The following GATA6 variants were observed in gnomAD, a reference collection of about 807,000 sequenced individuals.
GATA6 encodes the protein GATA binding protein 6.
A neutral mutation model predicts 48.1 loss-of-function variants in GATA6; 11 were observed. The ratio of observed to expected loss-of-function variants is 0.23; its 90% CI spans 0.14 to 0.38. The LOEUF is 0.38. Ranked by LOEUF, GATA6 falls within the 10% of genes least tolerant of loss-of-function variation. The pLI is 1.00. For missense variants in GATA6, 795 were observed against 850.3 expected (o/e 0.93, Z 0.81); for synonymous variants, 419 against 396.1 (o/e 1.06, Z -0.69).
rs1349810868 is a variant in GATA6, at chr18:22,172,747, G to A, written c.1135+468G>A. On this transcript the variant is annotated intron_variant, in intron 2 of 6. Coordinates refer to ENST00000269216, the MANE Select transcript of GATA6 (RefSeq NM_005257.6). The surrounding 1 kb of genome is among the most constrained non-coding windows in gnomAD (Gnocchi z 5.2). ...CAAACAGACACACAAGCACATGCAG[G>A]CTCACCCAGTTTAACTCTCCAAAGG... 6.6e-6 allele frequency among the ~76,000 whole-genome samples: 1 copy of A among 152,164 alleles called. No individual in the cohort carries two copies. Among genetic ancestry groups the A allele is most frequent in the Non-Finnish European group, 1.5e-5 (1 of 68,036 alleles).
In GATA6 at chr18:22,170,617, G is replaced by A. The variant is rs112106745; in HGVS notation, c.-37-491G>A. On this transcript the variant is annotated intron_variant, in intron 1 of 6. Transcript: ENST00000269216. The surrounding 1 kb of genome is among the most constrained non-coding windows in gnomAD (Gnocchi z 6.7). Reference sequence around the variant, plus strand: ...CCTTCCTTACGCGAAGGGTTTTCCCGTGGGGAACCCTCACCCCGAGGCATT... The same window carrying A: ...CCTTCCTTACGCGAAGGGTTTTCCCATGGGGAACCCTCACCCCGAGGCATT... 1.2e-4 allele frequency among the ~76,000 whole-genome samples: 19 copies of A among 152,230 alleles called. No homozygotes were observed. Among genetic ancestry groups the A allele is most frequent in the Admixed American group, 1.2e-3 (18 of 15,288 alleles).
intron 4 of GATA6, among the ~76,000 whole-genome samples, chr18:22,182,396 T>C (rs1042638696): frequency 1.3e-5 from 2 of 151,810 alleles, no homozygotes; most frequent in Admixed American, 1.3e-4. Flanking sequence ...TAACTCTTGT[T>C]GCCCAGGCTG....
chr18:22,193,658 C>T (rs995054010), intron 6 of GATA6, among the ~76,000 whole-genome samples: 6 of 152,168 alleles, frequency 3.9e-5, no homozygotes, highest in Non-Finnish European at 8.8e-5. Flanking sequence ...ATGTGATCAC[C>T]ATCAAAGTCT....
At position 22,170,099 on chromosome 18, in the gene GATA6, C is replaced by G. The variant is rs910283686; in HGVS notation, c.-38+417C>G. On this transcript the variant is annotated intron_variant, in intron 1 of 6. Coordinates refer to ENST00000269216, the MANE Select transcript of GATA6 (RefSeq NM_005257.6). This position sits in a 1 kb window ranked among gnomAD's most constrained non-coding sequence, Gnocchi z 6.7. ...AGCCCGGCTGCATTTCACCTCCCTC[C>G]CCCACTCGCTCCGAGTCTCCCTGTC... Among the ~76,000 whole-genome samples, 1 of 152,204 alleles carries G rather than the reference C, an allele frequency of 6.6e-6. No individual in the cohort carries two copies. Among genetic ancestry groups the G allele is most frequent in the South Asian group, 2.1e-4 (1 of 4,832 alleles).
In GATA6 at chr18:22,171,616, G is replaced by A. The variant is rs2033048695; in HGVS notation, c.472G>A (p.Gly158Ser). 3 of 1,598,806 alleles carry A rather than the reference G, an allele frequency of 1.9e-6. No individual in the cohort carries two copies. Among genetic ancestry groups the A allele is most frequent in the African/African-American group, 2.7e-5 (2 of 74,562 alleles). ...GACCCTCGCCGCTCTCTCCAGCCAG[G>A]GTCCGGCCGCCTACGACGGCGCGCC... The part of the protein sequence containing the change: ...YQTLAALSSQ[G>S]PAAYDGAPGG... The change falls in exon 2 of 7, where the codon GGT becomes AGT. Residue 158 changes from glycine to serine, a missense_variant. Gly to Ser is a moderately conservative substitution (Grantham distance 56). This residue lies in a region of GATA6 where 591 missense variants were observed against 570.0 expected (regional missense o/e 1.04). Transcript: ENST00000269216. The surrounding 1 kb of genome is among the most constrained non-coding windows in gnomAD (Gnocchi z 7.1).
At chr18:22,197,683 C>A (rs1199447414) in intron 6 of GATA6, among the ~76,000 whole-genome samples, 1 of 152,184 alleles carries the variant, frequency 6.6e-6, no homozygotes, top group Non-Finnish European at 1.5e-5. Context: ...ATTGTCGCAA[C>A]CATCCCTGAG....
At chr18:22,196,910 C>A (rs1422492906) in intron 6 of GATA6, among the ~76,000 whole-genome samples, 1 of 152,018 alleles carries the variant, frequency 6.6e-6, no homozygotes, top group Non-Finnish European at 1.5e-5. Context: ...CTGCCCCTGC[C>A]TGGTGATGGG....
intron 1 of GATA6, among the ~76,000 whole-genome samples, chr18:22,169,957 A>G (rs2033008658): frequency 6.6e-6 from 1 of 152,220 alleles, no homozygotes; most frequent in East Asian, 1.9e-4. Context: ...GCCGGTAGTT[A>G]GGCAGGCAGA....
intron 6 of GATA6, among the ~76,000 whole-genome samples, chr18:22,183,495 A>G (rs1237144098): frequency 1.3e-5 from 2 of 151,804 alleles, no homozygotes; most frequent in African/African-American, 4.8e-5. Context: ...TTCTTTTTTT[A>G]TCATCCACCC....
At position 22,200,985 on chromosome 18, in the gene GATA6, G is replaced by A; in HGVS notation, c.*162G>A. 1.1e-6 allele frequency: 1 copy of A among 911,118 alleles called. No individual in the cohort carries two copies. The highest frequency in any genetic ancestry group is 1.6e-6 in the Non-Finnish European group (1 of 612,724). 56.4% of individuals were successfully genotyped at this position (911,118 alleles called of 1,614,324 possible). ...TTTTCCCAAGAGGCTTGCTGAAAGA[G>A]TGAGAGAAGATGGAAGGGAAGGGCC... On this transcript the variant is annotated 3_prime_UTR_variant, in exon 7 of 7. Transcript: ENST00000269216.
intron 6 of GATA6, among the ~76,000 whole-genome samples, chr18:22,196,634 G>C (rs368087457): frequency 1.3e-5 from 2 of 152,012 alleles, no homozygotes. Flanking sequence ...CCAGTTATTC[G>C]AGAGGCTGAG....
At chr18:22,179,071 A>G (rs1039747434) in intron 3 of GATA6, among the ~76,000 whole-genome samples, 1 of 152,204 alleles carries the variant, frequency 6.6e-6, no homozygotes, top group Admixed American at 6.5e-5. Flanking sequence ...AGAAGGAAAA[A>G]AAAGAACAGT....
In GATA6 at chr18:22,200,706, C is replaced by T; in HGVS notation, c.1671C>T (p.Asn557=). ...TGAGESTNPE[N]SELKYSGQDG... is the part of the protein sequence containing the mutation. ...CGGGAGAGAGCACCAATCCCGAGAA[C>T]AGCGAGCTCAAGTATTCGGGTCAAG... Residue 557 remains asparagine (N), a synonymous_variant, in exon 7 of 7, where the codon AAC becomes AAT. Transcript: ENST00000269216. 1 of 1,614,246 alleles carries T rather than the reference C, an allele frequency of 6.2e-7. No homozygotes were observed. Among genetic ancestry groups the T allele is most frequent in the South Asian group, 1.1e-5 (1 of 91,082 alleles).
intron 6 of GATA6, among the ~76,000 whole-genome samples, chr18:22,189,280 C>T (rs1363788192): frequency 1.3e-5 from 2 of 152,106 alleles, no homozygotes; most frequent in African/African-American, 4.8e-5. Context: ...TTGATGTGCT[C>T]TATAAGGCCT....
rs116292228 is a variant in GATA6 at position 22,187,754 on chromosome 18, A to C, written c.1620+4711A>C. Among the ~76,000 whole-genome samples, 508 of 152,256 alleles carry C rather than the reference A, an allele frequency of 3.3e-3. 4 individuals carry two copies. Among genetic ancestry groups the C allele is most frequent in the African/African-American group, 0.012 (494 of 41,562 alleles). ...TTATAGCTCAATCCCCAAATTTTAT[A>C]GATAAAAAGTTTTTTTCTTAATTTC... On this transcript the variant is annotated intron_variant, in intron 6 of 6. Coordinates refer to ENST00000269216, the MANE Select transcript of GATA6 (RefSeq NM_005257.6).
intron 6 of GATA6, among the ~76,000 whole-genome samples, chr18:22,188,748 A>G (rs1322579617): frequency 6.6e-6 from 1 of 152,184 alleles, no homozygotes; most frequent in Non-Finnish European, 1.5e-5. Context: ...CAAGTTTACA[A>G]GCAGAGTTTC....
chr18:22,190,656 C>G (rs941126312), intron 6 of GATA6, among the ~76,000 whole-genome samples: 39 of 152,080 alleles, frequency 2.6e-4, no homozygotes, highest in Non-Finnish European at 4.1e-4. Context: ...GGAGTGACTC[C>G]TTAAGGTCAC....
Position 22,171,394 on chromosome 18 carries a change from G to T in GATA6, c.250G>T (p.Ala84Ser). ...CCGCTCGCTGCTGCTCAGTTCCTAC[G>T]CTTCGCATCCCTTCGGGGCTCCCCA... The part of the protein sequence containing the change: ...PARSLLLSSY[A>S]SHPFGAPHGP... The change falls in exon 2 of 7, where the codon GCT becomes TCT. Residue 84 changes from alanine (A) to serine (S), a missense_variant. Transcript: ENST00000269216. This position sits in a 1 kb window ranked among gnomAD's most constrained non-coding sequence, Gnocchi z 7.1. 1 of 1,588,406 alleles carries T rather than the reference G, an allele frequency of 6.3e-7. No homozygotes were observed. The highest frequency in any genetic ancestry group is 1.3e-5 in the African/African-American group (1 of 74,692).
At chr18:22,181,243 T>C (rs1008920198) in intron 3 of GATA6, among the ~76,000 whole-genome samples, 3 of 152,170 alleles carry the variant, frequency 2.0e-5, no homozygotes, top group Non-Finnish European at 4.4e-5. Flanking sequence ...ATCAAATCTA[T>C]AGGGTCCAGC....
Sources: gnomAD v4.1 joint callset for allele counts (sites outside exome capture counted in the v4.1 genomes callset) on GRCh38, gnomAD v4.1.1 for gene constraint, gnomAD v4.1.1 regional missense constraint, Gnocchi (gnomAD v3.1) non-coding constraint, MANE v1.5 for transcripts, NCBI Gene and HGNC (gene_info 2026-07-23, HGNC 2026-07-21) for gene names.